CCDC40: variants seen among roughly 807,000 people sequenced by gnomAD.
CCDC40 encodes coiled-coil domain 40 molecular ruler complex subunit.
A neutral mutation model predicts 124.5 loss-of-function variants in CCDC40; 104 were observed. The ratio of observed to expected loss-of-function variants is 0.84; its 90% confidence interval spans 0.71 to 0.98. CCDC40 has a LOEUF of 0.98. Ranked by LOEUF, CCDC40 falls within the 50% of genes least tolerant of loss-of-function variation. The pLI, the probability that CCDC40 is intolerant of heterozygous loss-of-function variation, is 0.00. For synonymous variants in CCDC40, 580 were observed against 602.9 expected, an observed-to-expected ratio of 0.96 and a Z score of 0.56; for missense variants, 1,463 against 1,503.9, an observed-to-expected ratio of 0.97 and a Z score of 0.45.
chr17:80,038,376 TA>T lies in CCDC40; in HGVS notation c.93+195del, dbSNP rs201977406. Among the ~76,000 whole-genome samples, 4,191 of 151,258 alleles carry T rather than the reference TA, an allele frequency of 0.028. 88 individuals carry two copies. The highest frequency in any genetic ancestry group is 0.043 in the Non-Finnish European group (2,922 of 67,830). On this transcript the variant is annotated intron_variant, in intron 2 of 19. Transcript: ENST00000397545. ...TAAAACCCCATCTCTACTAAAAATA[TA>T]AAAATTAGCCGGGCGTGGTGGTGCG...
intron 1 of CCDC40, among the ~76,000 whole-genome samples, chr17:80,037,117 C>T (rs2037093409): frequency 6.6e-6 from 1 of 152,150 alleles, no homozygotes; most frequent in African/African-American, 2.4e-5. Context: ...CTCGCTGTGG[C>T]CGGAGACCAG....
At chr17:80,075,186 A>C (rs2038282027) in intron 10 of CCDC40, among the ~76,000 whole-genome samples, 3 of 147,732 alleles carry the variant, frequency 2.0e-5, no homozygotes, top group Non-Finnish European at 4.4e-5. Flanking sequence ...CAGCCTCCCA[A>C]AGTGCTGGGA....
At chr17:80,052,220 C>T (rs1239734699) in intron 7 of CCDC40, among the ~76,000 whole-genome samples, 1 of 152,164 alleles carries the variant, frequency 6.6e-6, no homozygotes, top group African/African-American at 2.4e-5. Flanking sequence ...AGTATTGACA[C>T]AGGATCACAA....
intron 19 of CCDC40, 166 bp downstream of exon 19, chr17:80,097,569 C>T: frequency 1.5e-6 from 1 of 670,192 alleles, no homozygotes. Flanking sequence ...ATGTTTGTGG[C>T]TTTGTGATTT....
chr17:80,096,240 T>G (rs1214473878), intron 18 of CCDC40, among the ~76,000 whole-genome samples: 2 of 152,158 alleles, frequency 1.3e-5, no homozygotes, highest in African/African-American at 4.8e-5. Flanking sequence ...GGACCATTCC[T>G]GACTGGGGCA....
intron 19 of CCDC40, chr17:80,097,857 A>G: frequency 5.1e-6 from 1 of 194,294 alleles, no homozygotes; most frequent in Non-Finnish European, 1.1e-5. Flanking sequence ...CCAAGGTTGT[A>G]CCACTGCACT....
At position 80,065,604 on chromosome 17, in the gene CCDC40, C is replaced by A; in HGVS notation, c.1560C>A (p.Leu520=). Reference sequence around the variant, plus strand: ...CGCACAGGGCGGTGCTGGAGGCGCTCAGGTACTGCAGGGCCACAGGCAGCG... The same window carrying A: ...CGCACAGGGCGGTGCTGGAGGCGCTAAGGTACTGCAGGGCCACAGGCAGCG... ...DEAHRAVLEA[L]RGCQHQAKST... is the part of the protein sequence containing the mutation. The change falls in exon 10 of 20, where the codon CTC becomes CTA. Residue 520 remains leucine (L), a splice_region_variant and synonymous_variant. Transcript: ENST00000397545. 6.2e-7 allele frequency: 1 copy of A among 1,612,234 alleles called. No individual in the cohort carries two copies. The highest frequency in any genetic ancestry group is 1.1e-5 in the South Asian group (1 of 90,982).
rs754388419 is a variant in CCDC40, at chr17:80,040,147, A to C, written c.429A>C (p.Gln143His). 2 of 1,614,036 alleles carry C rather than the reference A, an allele frequency of 1.2e-6. No individual in the cohort carries two copies. The highest frequency in any genetic ancestry group is 4.5e-5 in the East Asian group (2 of 44,874). ...SGEAGLQGFQ[Q>H]EATGPPESRE... ...AGGCTGGTCTCCAAGGCTTCCAGCA[A>C]GAGGCCACCGGTCCACCAGAATCCA... is the stretch of plus-strand genomic sequence containing the variant. The change falls in exon 3 of 20, where the codon CAA (glutamine) becomes CAC (histidine). Residue 143 changes from glutamine (Q) to histidine (H), a missense_variant. By Grantham distance (24) the Gln-to-His change is conservative. Transcript: ENST00000397545.
At chr17:80,055,267 C>G (rs1402433876) in intron 7 of CCDC40, among the ~76,000 whole-genome samples, 2 of 152,040 alleles carry the variant, frequency 1.3e-5, no homozygotes, top group Non-Finnish European at 2.9e-5. Context: ...AGATATGGAT[C>G]TGGGAATGAA....
chr17:80,081,241 C>T (rs1047265429), intron 10 of CCDC40, among the ~76,000 whole-genome samples: 16 of 151,790 alleles, frequency 1.1e-4, no homozygotes, highest in Admixed American at 2.0e-4. Flanking sequence ...AAAAATTAGC[C>T]GGGCATGGTG....
chr17:80,097,455 T>C (rs1439107072), intron 19 of CCDC40, 52 bp downstream of exon 19: 1 of 1,600,396 alleles, frequency 6.2e-7, no homozygotes, highest in Non-Finnish European at 8.6e-7. Flanking sequence ...AACATGCCAC[T>C]CACACAGAGG....
Position 80,047,376 on chromosome 17 carries a change from T to A in CCDC40, c.650T>A (p.Leu217Gln). ...SHGSDIESSD[L>Q]EEFVSQEPVI... is the part of the protein sequence containing the mutation. Reference sequence around the variant, plus strand: ...GGGAGCGACATCGAGTCCTCAGACCTGGAGGAGTTCGTCTCGCAGGAGCCA... The same window carrying A: ...GGGAGCGACATCGAGTCCTCAGACCAGGAGGAGTTCGTCTCGCAGGAGCCA... Residue 217 changes from leucine to glutamine, a missense_variant, in exon 4 of 20, where the codon CTG becomes CAG. Leu to Gln is a moderately radical substitution (Grantham distance 113). Transcript: ENST00000397545. 1 of 1,613,466 alleles carries A rather than the reference T, an allele frequency of 6.2e-7. No individual in the cohort carries two copies.
intron 9 of CCDC40, 147 bp downstream of exon 9, chr17:80,059,127 C>A: frequency 1.0e-6 from 1 of 977,400 alleles, no homozygotes; most frequent in Non-Finnish European, 1.6e-6. Flanking sequence ...GGGCCCTCCC[C>A]ATGGTGGGGC....
intron 3 of CCDC40, among the ~76,000 whole-genome samples, chr17:80,047,058 C>G (rs1291222511): frequency 6.6e-6 from 1 of 152,182 alleles, no homozygotes; most frequent in Non-Finnish European, 1.5e-5. Flanking sequence ...GTTGGCCAGG[C>G]TGGTCTCGAA....
Position 80,047,352 on chromosome 17 carries a change from G to A in CCDC40, c.626G>A (p.Gly209Glu). The change falls in exon 4 of 20, where the codon GGG becomes GAG. Residue 209 changes from glycine (G) to glutamate (E), a missense_variant. By Grantham distance (98) the Gly-to-Glu change is moderately conservative. Coordinates refer to ENST00000397545, the MANE Select transcript of CCDC40 (RefSeq NM_017950.4). ...CAGCACCGCTTCCGGCTGAGCCACG[G>A]GAGCGACATCGAGTCCTCAGACCTG... ...GVQHRFRLSH[G>E]SDIESSDLEE... 6.2e-7 allele frequency: 1 copy of A among 1,613,844 alleles called. No homozygotes were observed. The highest frequency in any genetic ancestry group is 8.5e-7 in the Non-Finnish European group (1 of 1,179,926).
chr17:80,060,153 C>T (rs986004373), intron 9 of CCDC40, among the ~76,000 whole-genome samples: 1 of 152,134 alleles, frequency 6.6e-6, no homozygotes, highest in East Asian at 1.9e-4. Context: ...TGAGGGGTCC[C>T]CAAGACAAGG....
intron 10 of CCDC40, among the ~76,000 whole-genome samples, chr17:80,073,738 C>T (rs2038247212): frequency 6.6e-6 from 1 of 152,096 alleles, no homozygotes; most frequent in Non-Finnish European, 1.5e-5. Context: ...CTCTGTCCCC[C>T]AGGCTGGAGG....
intron 5 of CCDC40, among the ~76,000 whole-genome samples, chr17:80,048,981 C>G (rs2037505882): frequency 1.3e-5 from 2 of 152,154 alleles, no homozygotes; most frequent in African/African-American, 4.8e-5. Context: ...AACCCCGGAA[C>G]CACTGCCCCG....
At chr17:80,046,232 C>G (rs890764317) in intron 3 of CCDC40, among the ~76,000 whole-genome samples, 1 of 152,102 alleles carries the variant, frequency 6.6e-6, no homozygotes, top group African/African-American at 2.4e-5. Flanking sequence ...TAACTCTCCC[C>G]CGCCCAGGGA....
Sources: allele counts gnomAD v4.1 joint callset (sites outside exome capture counted in the v4.1 genomes callset), GRCh38; gene constraint gnomAD v4.1.1; transcripts MANE v1.5; gene names NCBI Gene and HGNC (gene_info 2026-07-23, HGNC 2026-07-21).